Variants in BIN3 observed in about 807,000 individuals in gnomAD.
The protein encoded by BIN3 is bridging integrator 3.
Under a neutral mutation model 38.2 loss-of-function variants are expected in BIN3, and 41 were observed. That is an observed-to-expected ratio of 1.07 (90% CI 0.84 to 1.39). The LOEUF (loss-of-function observed/expected upper bound fraction) is 1.39. BIN3 is among the 40% of genes most tolerant of loss of function. The probability of loss-of-function intolerance (pLI) is 0.00; values close to 1 mark genes in which losing one functional copy is unlikely to be tolerated. For missense variants in BIN3, 361 were observed against 324.3 expected (o/e 1.11, Z -0.87); for synonymous variants, 145 against 122.6 (o/e 1.18, Z -1.21).
intron 2 of BIN3, among the ~76,000 whole-genome samples, chr8:22,637,682 T>C (rs1419891994): frequency 6.6e-6 from 1 of 152,206 alleles, no homozygotes; most frequent in Non-Finnish European, 1.5e-5. Flanking sequence ...TTGACTTCAC[T>C]ATCTGTAAAA....
chr8:22,649,859 C>CACACACACACACACA (rs1563973928), intron 1 of BIN3, among the ~76,000 whole-genome samples: 1 of 133,592 alleles, frequency 7.5e-6, no homozygotes, highest in African/African-American at 3.3e-5. Flanking sequence ...ACACACACAC[C>CACACACACACACACA]CCCAAAGGAA....
chr8:22,652,536 G>A (rs1802936652), intron 1 of BIN3, among the ~76,000 whole-genome samples: 1 of 152,196 alleles, frequency 6.6e-6, no homozygotes, highest in African/African-American at 2.4e-5. Flanking sequence ...GGAGGGGAAG[G>A]GGTGTGCCTT....
chr8:22,644,566 G>A lies in BIN3; in HGVS notation c.57+189C>T, dbSNP rs188469738. 2.3e-4 allele frequency: 134 copies of A among 579,498 alleles called. No homozygotes were observed. The East Asian group carries it at 3.3e-3, about 14-fold the overall frequency. 35.9% of individuals were successfully genotyped at this position (579,498 alleles called of 1,614,324 possible). A position where few individuals can be genotyped will look rare whatever the true frequency, so the allele number is the denominator to read the frequency against. ...GAGCCCAGGCTAACCTTTCCTAGGG[G>A]AAGTGTCCCAGGACAGGAGGCCCCT... On this transcript the variant is annotated intron_variant, in intron 2 of 8. Coordinates refer to ENST00000276416, the MANE Select transcript of BIN3 (RefSeq NM_018688.6).
intron 4 of BIN3, among the ~76,000 whole-genome samples, chr8:22,635,678 C>T (rs146462618): frequency 4.6e-5 from 7 of 152,306 alleles, no homozygotes; most frequent in Non-Finnish European, 8.8e-5. Flanking sequence ...CTGTGCTTCT[C>T]GGGTGACGGA....
chr8:22,665,622 C>G (rs1803392200), intron 1 of BIN3, among the ~76,000 whole-genome samples: 1 of 151,888 alleles, frequency 6.6e-6, no homozygotes, highest in Admixed American at 6.6e-5. Context: ...ACATTTCAGG[C>G]AGAAGGGACA....
At chr8:22,641,618 C>T (rs531186749) in intron 2 of BIN3, among the ~76,000 whole-genome samples, 1 of 152,314 alleles carries the variant, frequency 6.6e-6, no homozygotes, top group East Asian at 1.9e-4. Context: ...TAGGTATGTT[C>T]TAGCAGGATT....
At chr8:22,641,889 G>A (rs369632418) in intron 2 of BIN3, among the ~76,000 whole-genome samples, 1 of 152,086 alleles carries the variant, frequency 6.6e-6, no homozygotes, top group South Asian at 2.1e-4. Context: ...CCTACGCTAC[G>A]ATGCTCCCGC....
intron 1 of BIN3, among the ~76,000 whole-genome samples, chr8:22,650,073 T>A (rs2117572420): frequency 6.6e-6 from 1 of 152,326 alleles, no homozygotes; most frequent in South Asian, 2.1e-4. Context: ...AATGTACCAC[T>A]CGTTTTATTT....
At chr8:22,646,135 G>C (rs1802707740) in intron 1 of BIN3, among the ~76,000 whole-genome samples, 1 of 152,174 alleles carries the variant, frequency 6.6e-6, no homozygotes, top group African/African-American at 2.4e-5. Flanking sequence ...AGGTAATTTA[G>C]GAGCTTCCTT....
intron 1 of BIN3, among the ~76,000 whole-genome samples, chr8:22,653,871 T>C (rs1376301619): frequency 1.6e-5 from 2 of 128,558 alleles, no homozygotes; most frequent in Non-Finnish European, 3.1e-5. Flanking sequence ...TGTCCCCTGG[T>C]ACAGAATTCT....
chr8:22,639,967 T>A (rs1005171936), intron 2 of BIN3, among the ~76,000 whole-genome samples: 17 of 152,148 alleles, frequency 1.1e-4, no homozygotes, highest in Admixed American at 9.8e-4. Flanking sequence ...GTTCAAGCGA[T>A]TCTCCTGCCT....
At chr8:22,637,589 A>C (rs1264954019) in intron 2 of BIN3, among the ~76,000 whole-genome samples, 1 of 152,234 alleles carries the variant, frequency 6.6e-6, no homozygotes, top group African/African-American at 2.4e-5. Context: ...GCAACACTGA[A>C]ACCAAATGGG....
chr8:22,640,338 C>T (rs1240323449), intron 2 of BIN3, among the ~76,000 whole-genome samples: 2 of 151,014 alleles, frequency 1.3e-5, no homozygotes, highest in African/African-American at 4.9e-5. Flanking sequence ...AGCCACCACA[C>T]CCGGCTAATT....
chr8:22,642,207 C>T (rs1247651887), intron 2 of BIN3, among the ~76,000 whole-genome samples: 4 of 152,214 alleles, frequency 2.6e-5, no homozygotes, highest in Non-Finnish European at 5.9e-5. Context: ...TCCAATAACC[C>T]AGGCAGCCAC....
At position 22,630,535 on chromosome 8, in the gene BIN3, G is replaced by A. The variant is rs755406356; in HGVS notation, c.204C>T (p.Ser68=). The change falls in exon 5 of 9, where the codon TCC becomes TCT. Residue 68 remains serine (S), a synonymous_variant. Transcript: ENST00000276416. Reference sequence around the variant, plus strand: ...CCTGGTCTTGCTCACAGAGGGGATTGGAGAGTAAGTCCAAGGATATCTTCA... The same window carrying A: ...CCTGGTCTTGCTCACAGAGGGGATTAGAGAGTAAGTCCAAGGATATCTTCA... The part of the protein sequence containing the change: ...SAVKISLDLL[S]NPLCEQDQDL... 3.7e-6 allele frequency: 6 copies of A among 1,614,042 alleles called. No homozygotes were observed. The highest frequency in any genetic ancestry group is 2.5e-6 in the Non-Finnish European group (3 of 1,179,894).
intron 1 of BIN3, among the ~76,000 whole-genome samples, chr8:22,658,905 C>T (rs931258864): frequency 6.6e-5 from 10 of 152,192 alleles, no homozygotes; most frequent in African/African-American, 2.4e-4. Context: ...GTCACTGTCT[C>T]GGCAAGAGCA....
chr8:22,669,072 C>G lies in BIN3; in HGVS notation c.-21G>C. 1.3e-6 allele frequency: 2 copies of G among 1,591,144 alleles called. No individual in the cohort carries two copies. The highest frequency in any genetic ancestry group is 1.7e-6 in the Non-Finnish European group (2 of 1,169,198). Reference sequence around the variant, plus strand: ...CTCATGGTCCCGAACCTGCGTCTGCCGCCGGGGTCCTCAGCCACAACTCGT... The same window carrying G: ...CTCATGGTCCCGAACCTGCGTCTGCGGCCGGGGTCCTCAGCCACAACTCGT... On this transcript the variant is annotated 5_prime_UTR_variant, in exon 1 of 9. Coordinates refer to ENST00000276416, the MANE Select transcript of BIN3 (RefSeq NM_018688.6).
chr8:22,661,352 CTTTTTTTTTT>C (rs751194383), intron 1 of BIN3, among the ~76,000 whole-genome samples: 2 of 84,450 alleles, frequency 2.4e-5, no homozygotes, highest in Admixed American at 1.8e-4. Flanking sequence ...ATGTATCATT[CTTTTTTTTTT>C]TTTTTTTTTT....
At chr8:22,628,859 C>G (rs1485537113) in intron 6 of BIN3, among the ~76,000 whole-genome samples, 1 of 152,212 alleles carries the variant, frequency 6.6e-6, no homozygotes, top group African/African-American at 2.4e-5. Flanking sequence ...AACCCACAGC[C>G]ACGGAGCTCT....
Sources: gnomAD v4.1 joint callset for allele counts (sites outside exome capture counted in the v4.1 genomes callset) on GRCh38, gnomAD v4.1.1 for gene constraint, MANE v1.5 for transcripts, NCBI Gene and HGNC (gene_info 2026-07-23, HGNC 2026-07-21) for gene names.